The following TMEM178B variants were observed in gnomAD, a reference collection of about 807,000 sequenced individuals.
The protein encoded by TMEM178B is transmembrane protein 178B.
A neutral mutation model predicts 31.0 loss-of-function variants in TMEM178B; 5 were observed. That is an observed-to-expected ratio of 0.16 (90% CI 0.08 to 0.34). The LOEUF (loss-of-function observed/expected upper bound fraction) is 0.34, where lower values mean the gene tolerates loss of function less well. TMEM178B is among the 10% of genes least tolerant of loss of function. The pLI, the probability that TMEM178B is intolerant of heterozygous loss-of-function variation, is 1.00. For synonymous variants in TMEM178B, 164 were observed against 164.0 expected (o/e 1.00, Z 0.00); for missense variants, 275 against 400.3 (o/e 0.69, Z 2.67).
rs118015163 is a variant in TMEM178B at position 141,172,016 on chromosome 7, G to A, written c.383-40575G>A. Among the ~76,000 whole-genome samples, 485 of 152,322 alleles carry A rather than the reference G, an allele frequency of 3.2e-3. 4 individuals are homozygous for A. Among genetic ancestry groups the A allele is most frequent in the Non-Finnish European group, 5.2e-3 (351 of 68,030 alleles). On this transcript the variant is annotated intron_variant, in intron 1 of 3. Coordinates refer to ENST00000565468, the MANE Select transcript of TMEM178B (RefSeq NM_001195278.2). ...TACTTACTATGAGACAGGCACCGTA[G>A]TAGGTGCTTGATACATGGTTTCTGT... is the stretch of plus-strand genomic sequence containing the variant.
At chr7:141,092,556 C>T (rs761044147) in intron 1 of TMEM178B, among the ~76,000 whole-genome samples, 9 of 152,152 alleles carry the variant, frequency 5.9e-5, no homozygotes, top group East Asian at 1.9e-4. Flanking sequence ...ATTATATATT[C>T]GCTTGTTCAA....
intron 2 of TMEM178B, 131 bp downstream of exon 2, chr7:141,212,835 C>T: frequency 1.4e-6 from 1 of 697,414 alleles, no homozygotes; most frequent in Non-Finnish European, 2.3e-6. Flanking sequence ...CCATAAAGTG[C>T]CAATATCTTT....
intron 2 of TMEM178B, among the ~76,000 whole-genome samples, chr7:141,393,631 G>T (rs1800585315): frequency 6.6e-6 from 1 of 152,168 alleles, no homozygotes; most frequent in Non-Finnish European, 1.5e-5. Context: ...CAAAGAGAAA[G>T]AGAAAGGTCC....
At chr7:141,160,774 T>C (rs6976212) in intron 1 of TMEM178B, among the ~76,000 whole-genome samples, 110,682 of 152,206 alleles carry the variant, frequency 0.73, 40,905 homozygotes, top group African/African-American at 0.84. Context: ...TGGGAACTGG[T>C]CGGATGTGGG....
At chr7:141,133,306 A>G (rs1171750856) in intron 1 of TMEM178B, among the ~76,000 whole-genome samples, 1 of 152,196 alleles carries the variant, frequency 6.6e-6, no homozygotes, top group Non-Finnish European at 1.5e-5. Flanking sequence ...TCAATAAGAT[A>G]CAAGAGAACA....
At chr7:141,161,090 C>T (rs540583284) in intron 1 of TMEM178B, among the ~76,000 whole-genome samples, 38 of 152,128 alleles carry the variant, frequency 2.5e-4, no homozygotes, top group East Asian at 5.8e-4. Flanking sequence ...CTCCTGACCT[C>T]GTGATCCGCC....
intron 2 of TMEM178B, among the ~76,000 whole-genome samples, chr7:141,368,808 A>G (rs1305914414): frequency 1.3e-5 from 2 of 152,236 alleles, no homozygotes; most frequent in Non-Finnish European, 2.9e-5. Context: ...AATGGTATGA[A>G]AACATTCCCG....
chr7:141,090,609 A>G (rs190013632), intron 1 of TMEM178B, among the ~76,000 whole-genome samples: 4 of 152,242 alleles, frequency 2.6e-5, no homozygotes, highest in Non-Finnish European at 4.4e-5. Flanking sequence ...TTCACTTTTC[A>G]TGACTTTCAA....
At chr7:141,231,191 G>A (rs898376513) in intron 2 of TMEM178B, among the ~76,000 whole-genome samples, 1 of 152,066 alleles carries the variant, frequency 6.6e-6, no homozygotes, top group Non-Finnish European at 1.5e-5. Flanking sequence ...GCCTAGAACA[G>A]AGCTGGTGCA....
chr7:141,462,984 A>G (rs963341899), intron 3 of TMEM178B, among the ~76,000 whole-genome samples: 3 of 152,104 alleles, frequency 2.0e-5, no homozygotes, highest in African/African-American at 4.8e-5. Context: ...CACCTCGGCC[A>G]TGCCTTCCCA....
intron 1 of TMEM178B, among the ~76,000 whole-genome samples, chr7:141,124,638 T>C (rs1795460455): frequency 6.6e-6 from 1 of 152,230 alleles, no homozygotes; most frequent in African/African-American, 2.4e-5. Flanking sequence ...TTTATTTATT[T>C]TGTTTCCCCA....
chr7:141,186,648 T>C (rs1336442372), intron 1 of TMEM178B, among the ~76,000 whole-genome samples: 1 of 152,248 alleles, frequency 6.6e-6, no homozygotes, highest in African/African-American at 2.4e-5. Context: ...ATCAGCCTCG[T>C]TCAACATCTT....
At chr7:141,454,933 A>C (rs1389091198) in intron 3 of TMEM178B, among the ~76,000 whole-genome samples, 1 of 151,814 alleles carries the variant, frequency 6.6e-6, no homozygotes, top group Admixed American at 6.6e-5. Flanking sequence ...TAGAGCTAAA[A>C]GGGCTGCCAG....
intron 2 of TMEM178B, among the ~76,000 whole-genome samples, chr7:141,407,930 G>A (rs959107416): frequency 2.0e-5 from 3 of 152,168 alleles, no homozygotes; most frequent in African/African-American, 7.2e-5. Flanking sequence ...GAAGAAGCAC[G>A]TTTACATAGA....
intron 1 of TMEM178B, among the ~76,000 whole-genome samples, chr7:141,145,292 G>A (rs905577157): frequency 1.3e-5 from 2 of 152,148 alleles, no homozygotes; most frequent in Non-Finnish European, 2.9e-5. Flanking sequence ...TCCACCCAGG[G>A]GTTCTGTCCT....
rs992358368 is a variant in TMEM178B, at chr7:141,171,584, C to T, written c.383-41007C>T. 6.6e-5 allele frequency among the ~76,000 whole-genome samples: 10 copies of T among 152,130 alleles called. No individual in the cohort carries two copies. The highest frequency in any genetic ancestry group is 1.9e-4 in the African/African-American group (8 of 41,414). Reference sequence around the variant, plus strand: ...TTATTTATTCTGAAGTGGGGATGCACGACCACCTTGCCAGGCCTCGGTCTC... The same window carrying T: ...TTATTTATTCTGAAGTGGGGATGCATGACCACCTTGCCAGGCCTCGGTCTC... On this transcript the variant is annotated intron_variant, in intron 1 of 3. Coordinates refer to ENST00000565468, the MANE Select transcript of TMEM178B (RefSeq NM_001195278.2). This position sits in a 1 kb window ranked among gnomAD's most constrained non-coding sequence, Gnocchi z 4.3.
At chr7:141,450,854 C>T (rs1801850425) in intron 3 of TMEM178B, among the ~76,000 whole-genome samples, 1 of 152,198 alleles carries the variant, frequency 6.6e-6, no homozygotes, top group African/African-American at 2.4e-5. Flanking sequence ...AGCCATGAAA[C>T]AAGCTTGGAG....
chr7:141,160,509 A>G lies in TMEM178B; in HGVS notation c.383-52082A>G, dbSNP rs1163766935. Among the ~76,000 whole-genome samples the G allele has an allele frequency of 2.0e-5, 3 of 152,040 alleles. No homozygotes were observed. In the East Asian group the frequency reaches 5.8e-4, roughly 29 times the overall value. On this transcript the variant is annotated intron_variant, in intron 1 of 3. Coordinates refer to ENST00000565468, the MANE Select transcript of TMEM178B (RefSeq NM_001195278.2). ...CTATCTTGGCCTTGCTAGTGTCGTCATTCTCTAGGATGGATCACGTTGCTC... is the reference window on the plus strand; with the variant it reads ...CTATCTTGGCCTTGCTAGTGTCGTCGTTCTCTAGGATGGATCACGTTGCTC...
intron 2 of TMEM178B, among the ~76,000 whole-genome samples, chr7:141,290,096 C>T (rs923411055): frequency 2.0e-5 from 3 of 152,242 alleles, no homozygotes; most frequent in African/African-American, 7.2e-5. Flanking sequence ...TCATTCTACT[C>T]ATTCTGCAGA....
Sources: allele counts gnomAD v4.1 joint callset (sites outside exome capture counted in the v4.1 genomes callset), GRCh38; gene constraint gnomAD v4.1.1; non-coding constraint Gnocchi (gnomAD v3.1); transcripts MANE v1.5; gene names NCBI Gene and HGNC (gene_info 2026-07-23, HGNC 2026-07-21).